Variants in KLHL6 observed in about 807,000 individuals in gnomAD.
KLHL6 encodes kelch like family member 6.
KLHL6 carries 41 observed loss-of-function variants against 58.6 expected under a neutral mutation model. The ratio of observed to expected loss-of-function variants is 0.70; its 90% CI spans 0.55 to 0.91. KLHL6 has a LOEUF of 0.91. KLHL6 is among the 40% of genes least tolerant of loss of function. The pLI, the probability that KLHL6 is intolerant of heterozygous loss-of-function variation, is 0.00. For synonymous variants in KLHL6, 338 were observed against 322.7 expected, an observed-to-expected ratio of 1.05 and a Z score of -0.51; for missense variants, 714 against 805.6, an observed-to-expected ratio of 0.89 and a Z score of 1.38.
intron 1 of KLHL6, among the ~76,000 whole-genome samples, chr3:183,541,910 TTC>T (rs1398038537): frequency 1.3e-5 from 2 of 152,236 alleles, no homozygotes; most frequent in East Asian, 3.9e-4. Flanking sequence ...TCAGACCACT[TTC>T]TCTTTCTCTT....
At chr3:183,502,306 A>G (rs1351167720) in intron 3 of KLHL6, among the ~76,000 whole-genome samples, 1 of 151,520 alleles carries the variant, frequency 6.6e-6, no homozygotes, top group Non-Finnish European at 1.5e-5. Flanking sequence ...CCATCTCAAA[A>G]AAAAAAAAAA....
intron 1 of KLHL6, among the ~76,000 whole-genome samples, chr3:183,530,063 C>T (rs540517415): frequency 5.9e-5 from 9 of 152,182 alleles, no homozygotes; most frequent in African/African-American, 2.2e-4. Flanking sequence ...CTTTCAGGAT[C>T]CAGAACTGTG....
chr3:183,499,754 G>T lies in KLHL6; in HGVS notation c.983C>A (p.Thr328Lys), dbSNP rs372412048. 307 of 1,609,468 alleles carry T rather than the reference G, an allele frequency of 1.9e-4. No homozygotes were observed. The highest frequency in any genetic ancestry group is 2.6e-4 in the Non-Finnish European group (303 of 1,178,178). The change falls in exon 4 of 7, where the codon ACG (threonine) becomes AAG (lysine). Residue 328 changes from threonine (T) to lysine (K), a missense_variant. Coordinates refer to ENST00000341319, the MANE Select transcript of KLHL6 (RefSeq NM_130446.4). This position sits in a 1 kb window ranked among gnomAD's most constrained non-coding sequence, Gnocchi z 4.6. ...SEVFMIIGGC[T>K]KDERFVAEVT... is the part of the protein sequence containing the mutation. ...CTCTGCCACAAACCGTTCATCCTTCGTGCAGCCGCCAATGATCATGAACAC... is the reference window on the plus strand; with the variant it reads ...CTCTGCCACAAACCGTTCATCCTTCTTGCAGCCGCCAATGATCATGAACAC...
chr3:183,526,693 G>C (rs1445579983), intron 2 of KLHL6, among the ~76,000 whole-genome samples: 2 of 152,046 alleles, frequency 1.3e-5, no homozygotes, highest in African/African-American at 4.8e-5. Flanking sequence ...CTCTCCCACT[G>C]TTCTCATTAA....
intron 2 of KLHL6, among the ~76,000 whole-genome samples, chr3:183,514,051 C>T (rs547121305): frequency 6.6e-6 from 1 of 152,332 alleles, no homozygotes; most frequent in South Asian, 2.1e-4. Context: ...GACATGAACT[C>T]ATCCTTTTTT....
intron 3 of KLHL6, among the ~76,000 whole-genome samples, chr3:183,504,436 A>G (rs1490525081): frequency 1.3e-5 from 2 of 152,204 alleles, no homozygotes; most frequent in Non-Finnish European, 2.9e-5. Context: ...AATTTTCCAG[A>G]TGTCAGAATT....
At chr3:183,495,417 C>A (rs1717688033) in intron 4 of KLHL6, among the ~76,000 whole-genome samples, 1 of 152,038 alleles carries the variant, frequency 6.6e-6, no homozygotes, top group South Asian at 2.1e-4. Context: ...ATCTTTTGTT[C>A]ATATAGTTTG....
chr3:183,492,415 G>C lies in KLHL6; in HGVS notation c.1564+79C>G, dbSNP rs952647858. ...GTGAGTTGCCAGCGCTGGAGACACC[G>C]CGACACACCGTTTACGTGCTGCAGC... On this transcript the variant is annotated intron_variant, in intron 6 of 6. Transcript: ENST00000341319. This position sits in a 1 kb window ranked among gnomAD's most constrained non-coding sequence, Gnocchi z 5.9. 2.0e-6 allele frequency: 3 copies of C among 1,505,354 alleles called. No individual in the cohort carries two copies. In the East Asian group the frequency reaches 6.9e-5, roughly 34 times the overall value. The allele number at this position is 1,505,354 out of a possible 1,614,324, so 93.2% of individuals were successfully genotyped here.
chr3:183,549,552 C>T (rs1310211905), intron 1 of KLHL6, among the ~76,000 whole-genome samples: 6 of 152,234 alleles, frequency 3.9e-5, no homozygotes, highest in East Asian at 1.9e-4. Flanking sequence ...TCTGTTGCCC[C>T]GGCTGGAGTG....
intron 5 of KLHL6, chr3:183,493,473 T>A (rs2108663031): frequency 6.4e-6 from 1 of 155,126 alleles, no homozygotes; most frequent in South Asian, 2.0e-4. Context: ...AGCTGGAACA[T>A]GCTTGGACAT....
intron 2 of KLHL6, chr3:183,520,106 A>G (rs1426496392): frequency 2.0e-5 from 3 of 152,048 alleles, no homozygotes; most frequent in Admixed American, 6.6e-5. Flanking sequence ...CTGGCTAGGG[A>G]GGCTGTGAAG....
chr3:183,488,711 A>T lies in KLHL6; in HGVS notation c.*3216T>A, dbSNP rs978566541. 3 of 152,220 alleles carry T rather than the reference A, an allele frequency of 2.0e-5. No individual in the cohort carries two copies. The highest frequency in any genetic ancestry group is 4.4e-5 in the Non-Finnish European group (3 of 68,050). 9.4% of individuals were successfully genotyped at this position (152,220 alleles called of 1,614,324 possible). The stretch of plus-strand genomic sequence containing the variant: ...AATGTGTTCGTCTTTATTTCTTGAA[A>T]TGGATTTTAGATTTTAGAAGTTCTC... On this transcript the variant is annotated 3_prime_UTR_variant, in exon 7 of 7. Coordinates refer to ENST00000341319, the MANE Select transcript of KLHL6 (RefSeq NM_130446.4).
Position 183,553,959 on chromosome 3 carries a change from G to A in KLHL6, c.293+1402C>T, listed in dbSNP as rs57347231. Among the ~76,000 whole-genome samples the A allele has an allele frequency of 7.0e-3, 1,018 of 145,886 alleles. 14 individuals carry two copies. The highest frequency in any genetic ancestry group is 0.024 in the African/African-American group (933 of 38,988). ...CCTGCTCTATGAATTACAAAGAAAC[G>A]TTTCCCCCCAAGCACCTCAAAAAAA... On this transcript the variant is annotated intron_variant, in intron 1 of 6. Coordinates refer to ENST00000341319, the MANE Select transcript of KLHL6 (RefSeq NM_130446.4).
chr3:183,500,904 ACT>A (rs1336509960), intron 3 of KLHL6, among the ~76,000 whole-genome samples: 43 of 152,304 alleles, frequency 2.8e-4, no homozygotes, highest in Admixed American at 2.3e-3. Context: ...AGTAGCAAAG[ACT>A]GAGCCCTCAG....
At chr3:183,501,044 T>C (rs1421807332) in intron 3 of KLHL6, among the ~76,000 whole-genome samples, 1 of 152,204 alleles carries the variant, frequency 6.6e-6, no homozygotes, top group Non-Finnish European at 1.5e-5. Flanking sequence ...GAGTTCCGCA[T>C]CCTCCGTTCT....
At chr3:183,495,887 A>C (rs532259480) in intron 4 of KLHL6, among the ~76,000 whole-genome samples, 1 of 152,196 alleles carries the variant, frequency 6.6e-6, no homozygotes, top group Admixed American at 6.5e-5. Context: ...GAGCACAGAA[A>C]CGGACTAAAA....
At chr3:183,521,016 A>T (rs2108681445) in intron 2 of KLHL6, 1 of 152,190 alleles carries the variant, frequency 6.6e-6, no homozygotes, top group South Asian at 2.1e-4. Flanking sequence ...CTTGGACAAT[A>T]CCCAGGCTTT....
At chr3:183,554,042 A>T (rs1291799476) in intron 1 of KLHL6, among the ~76,000 whole-genome samples, 1 of 152,186 alleles carries the variant, frequency 6.6e-6, no homozygotes, top group Non-Finnish European at 1.5e-5. Flanking sequence ...ATCGTTTTCA[A>T]TTTCCTCAGC....
At chr3:183,554,841 C>A (rs1196685334) in intron 1 of KLHL6, among the ~76,000 whole-genome samples, 1 of 152,166 alleles carries the variant, frequency 6.6e-6, no homozygotes, top group African/African-American at 2.4e-5. Context: ...ATGCCAATCT[C>A]TCTTTTAATG....
Sources: gnomAD v4.1 joint callset for allele counts (sites outside exome capture counted in the v4.1 genomes callset) on GRCh38, gnomAD v4.1.1 for gene constraint, Gnocchi (gnomAD v3.1) non-coding constraint, MANE v1.5 for transcripts, NCBI Gene and HGNC (gene_info 2026-07-23, HGNC 2026-07-21) for gene names.